Variants in PELI3 observed in about 807,000 individuals in gnomAD.
PELI3 encodes pellino E3 ubiquitin protein ligase family member 3.
PELI3 carries 19 observed loss-of-function variants against 35.5 expected under a neutral mutation model. The ratio of observed to expected loss-of-function variants is 0.54; its 90% CI spans 0.37 to 0.79. The LOEUF is 0.79. Ranked by LOEUF, PELI3 falls within the 30% of genes least tolerant of loss-of-function variation. The pLI is 0.00. For missense variants in PELI3, 490 were observed against 661.2 expected (o/e 0.74, Z 2.84); for synonymous variants, 262 against 279.2 (o/e 0.94, Z 0.62).
chr11:66,475,741 G>A lies in PELI3; in HGVS notation c.984G>A (p.Ala328=), dbSNP rs141532058. 4.0e-5 allele frequency: 65 copies of A among 1,611,310 alleles called. No individual in the cohort carries two copies. The highest frequency in any genetic ancestry group is 2.7e-4 in the African/African-American group (20 of 74,928). The change falls in exon 8 of 8, where the codon GCG becomes GCA. Residue 328 remains alanine (A), a synonymous_variant. Coordinates refer to ENST00000320740, the MANE Select transcript of PELI3 (RefSeq NM_145065.3). ...LEAQRQEANA[A]RPQCPVGLST... The stretch of plus-strand genomic sequence containing the variant: ...CCCAGCGGCAGGAGGCAAATGCAGC[G>A]CGGCCCCAGTGCCCCGTGGGCCTCA...
intron 7 of PELI3, chr11:66,474,326 C>T: frequency 1.8e-6 from 1 of 553,408 alleles, no homozygotes; most frequent in Non-Finnish European, 3.2e-6. Flanking sequence ...CTATCACGTT[C>T]AGACAGGTTT....
chr11:66,473,795 G>A lies in PELI3; in HGVS notation c.710G>A (p.Gly237Glu). 6.2e-7 allele frequency: 1 copy of A among 1,613,962 alleles called. No individual in the cohort carries two copies. Among genetic ancestry groups the A allele is most frequent in the Non-Finnish European group, 8.5e-7 (1 of 1,179,996 alleles). The change falls in exon 7 of 8, where the codon GGA becomes GAA. Residue 237 changes from glycine (G) to glutamate (E), a missense_variant. This residue lies in a region of PELI3 where 349 missense variants were observed against 484.8 expected (regional missense o/e 0.72). Coordinates refer to ENST00000320740, the MANE Select transcript of PELI3 (RefSeq NM_145065.3). This position sits in a 1 kb window ranked among gnomAD's most constrained non-coding sequence, Gnocchi z 5.8. ...CTGATGGATGGACTGACCACCAATG[G>A]AGTCCTGGTGATGCACCCGGCAGGC... ...DGLMDGLTTN[G>E]VLVMHPAGGF...
rs970805116 is a variant in PELI3 at position 66,470,092 on chromosome 11, G to A, written c.225-1150G>A. On this transcript the variant is annotated intron_variant, in intron 3 of 7. Coordinates refer to ENST00000320740, the MANE Select transcript of PELI3 (RefSeq NM_145065.3). ...TGGGATTACAGGTGTGAGCCACTGCGCCCGGCCTCATCTGGATTTTAACAA... is the reference window on the plus strand; with the variant it reads ...TGGGATTACAGGTGTGAGCCACTGCACCCGGCCTCATCTGGATTTTAACAA... Among the ~76,000 whole-genome samples the A allele has an allele frequency of 1.1e-4, 17 of 152,044 alleles. 1 individual carries two copies. The highest frequency in any genetic ancestry group is 8.5e-4 in the Admixed American group (13 of 15,272).
At position 66,475,698 on chromosome 11, in the gene PELI3, C is replaced by T; in HGVS notation, c.941C>T (p.Thr314Ile). The T allele has an allele frequency of 6.2e-7, 1 of 1,612,464 alleles. No homozygotes were observed. The highest frequency in any genetic ancestry group is 8.5e-7 in the Non-Finnish European group (1 of 1,179,814). ...CCGGCGGGGCTGCTGCGGGCTCCCACACTGAAGCAACTGGAGGCCCAGCGG... is the reference window on the plus strand; with the variant it reads ...CCGGCGGGGCTGCTGCGGGCTCCCATACTGAAGCAACTGGAGGCCCAGCGG... ...RTPAGLLRAPTLKQLEAQRQE... is the reference protein window; with the variant it reads ...RTPAGLLRAPILKQLEAQRQE... Residue 314 changes from threonine to isoleucine, a missense_variant, in exon 8 of 8, where the codon ACA (threonine) becomes ATA (isoleucine). By Grantham distance (89) the Thr-to-Ile change is moderately conservative. Coordinates refer to ENST00000320740, the MANE Select transcript of PELI3 (RefSeq NM_145065.3).
Position 66,476,008 on chromosome 11 carries a change from T to C in PELI3, c.1251T>C (p.Pro417=), listed in dbSNP as rs1184864573. 6.2e-7 allele frequency: 1 copy of C among 1,612,284 alleles called. No homozygotes were observed. The highest frequency in any genetic ancestry group is 1.1e-5 in the South Asian group (1 of 91,064). The change falls in exon 8 of 8, where the codon CCT becomes CCC. Residue 417 remains proline (P), a synonymous_variant. Transcript: ENST00000320740. ...GGCCGCCTAGCCATGCCTTTGCACC[T>C]TGCGGCCACGTCTGCTCTGAGAAGA... ...DPGPPSHAFA[P]CGHVCSEKTA...
upstream of PELI3, chr11:66,466,761 GC>G (rs1854538951): frequency 6.6e-6 from 1 of 151,774 alleles, no homozygotes; most frequent in African/African-American, 2.4e-5. Context: ...GCGGAGCTCC[GC>G]CTACGAAGGC....
In PELI3 at chr11:66,472,545, G is replaced by A. The variant is rs1253583422; in HGVS notation, c.456+75G>A. ...CTGCAAGCATTTCAGGTGAGGCTAC[G>A]GGTTGGGAGGCCATGGGAAAGCTGC... On this transcript the variant is annotated intron_variant, in intron 5 of 7. Transcript: ENST00000320740. The A allele has an allele frequency of 4.0e-5, 51 of 1,278,800 alleles. 1 individual carries two copies. In the South Asian group the frequency reaches 4.4e-4, roughly 11 times the overall value. 79.2% of individuals were successfully genotyped at this position (1,278,800 alleles called of 1,614,324 possible).
At position 66,476,300 on chromosome 11, in the gene PELI3, G is replaced by C; in HGVS notation, c.*133G>C. On this transcript the variant is annotated 3_prime_UTR_variant, in exon 8 of 8. Coordinates refer to ENST00000320740, the MANE Select transcript of PELI3 (RefSeq NM_145065.3). ...ACCAGATGGACATGTTGGATGGGCT[G>C]TGCCCTTCCCCCCAACTGTGGCCCC... The C allele has an allele frequency of 2.9e-6, 3 of 1,030,904 alleles. No homozygotes were observed. The highest frequency in any genetic ancestry group is 4.1e-6 in the Non-Finnish European group (3 of 729,126). The allele number at this position is 1,030,904 out of a possible 1,614,324, so 63.9% of individuals were successfully genotyped here. A position where few individuals can be genotyped will look rare whatever the true frequency, so the allele number is the denominator to read the frequency against.
chr11:66,471,164 A>G, intron 3 of PELI3, 78 bp from the exon 4 acceptor site: 2 of 1,494,706 alleles, frequency 1.3e-6, no homozygotes, highest in Non-Finnish European at 1.8e-6. Flanking sequence ...GTTTCCTCCA[A>G]GTCTCATCAG....
Position 66,473,440 on chromosome 11 carries a change from G to T in PELI3, c.651+5G>T. ...TCTAGCAACATCTTCCTTGGAGTGA[G>T]TGAGCCCCAGGAAGGGACCAACTCT... On this transcript the variant is annotated splice_donor_5th_base_variant and intron_variant, in intron 6 of 7. Transcript: ENST00000320740. This position sits in a 1 kb window ranked among gnomAD's most constrained non-coding sequence, Gnocchi z 5.8. 1 of 1,605,368 alleles carries T rather than the reference G, an allele frequency of 6.2e-7. No individual in the cohort carries two copies. Among genetic ancestry groups the T allele is most frequent in the Non-Finnish European group, 8.5e-7 (1 of 1,174,324 alleles).
intron 4 of PELI3, among the ~76,000 whole-genome samples, chr11:66,471,676 C>T (rs7123875): frequency 0.37 from 55,956 of 151,674 alleles, 10,994 homozygotes; most frequent in African/African-American, 0.49. Context: ...ATGAGCTGCA[C>T]CATTTTAGAG....
chr11:66,466,814 C>G (rs917943072), upstream of PELI3: 1 of 151,008 alleles, frequency 6.6e-6, no homozygotes, highest in Admixed American at 6.6e-5. Context: ...CGAGGCGGAG[C>G]TCTCCTAGGG....
At chr11:66,472,705 G>C (rs1854766473) in intron 5 of PELI3, among the ~76,000 whole-genome samples, 1 of 152,204 alleles carries the variant, frequency 6.6e-6, no homozygotes, top group Non-Finnish European at 1.5e-5. Flanking sequence ...CAGGAGTTCA[G>C]GTGTGAGAGG....
chr11:66,472,364 A>C lies in PELI3; in HGVS notation c.355-5A>C. 6.2e-7 allele frequency: 1 copy of C among 1,612,144 alleles called. No individual in the cohort carries two copies. On this transcript the variant is annotated splice_polypyrimidine_tract_variant and splice_region_variant and intron_variant, in intron 4 of 7. Transcript: ENST00000320740. ...CCTGGCAAGTGACTTTTTTCTCCCC[A>C]CCAGGCACTGAGTAACCGTGGTCAG...
At position 66,475,603 on chromosome 11, in the gene PELI3, A is replaced by C; in HGVS notation, c.846A>C (p.Glu282Asp). Residue 282 changes from glutamate to aspartate, a missense_variant, in exon 8 of 8, where the codon GAA (glutamate) becomes GAC (aspartate). This residue lies in a region of PELI3 where 349 missense variants were observed against 484.8 expected (regional missense o/e 0.72). Coordinates refer to ENST00000320740, the MANE Select transcript of PELI3 (RefSeq NM_145065.3). ...CCTTCTACTGCCTCTGGCAGGTGGAAAACGAGTCCAACGTGCTGCAGGACG... is the reference window on the plus strand; with the variant it reads ...CCTTCTACTGCCTCTGGCAGGTGGACAACGAGTCCAACGTGCTGCAGGACG... ...RSAQQRGKLV[E>D]NESNVLQDGS... 1 of 1,612,052 alleles carries C rather than the reference A, an allele frequency of 6.2e-7. No homozygotes were observed. Among genetic ancestry groups the C allele is most frequent in the Middle Eastern group, 1.7e-4 (1 of 6,056 alleles).
In PELI3 at chr11:66,475,958, G is replaced by A; in HGVS notation, c.1201G>A (p.Glu401Lys). The change falls in exon 8 of 8, where the codon GAG (glutamate) becomes AAG (lysine). Residue 401 changes from glutamate (E) to lysine (K), a missense_variant. Physicochemically the swap from Glu to Lys is moderately conservative, Grantham distance 56 (BLOSUM62 1). This residue lies in a region of PELI3 where 349 missense variants were observed against 484.8 expected (regional missense o/e 0.72). Coordinates refer to ENST00000320740, the MANE Select transcript of PELI3 (RefSeq NM_145065.3). Reference protein sequence around the residue: ...GPYVPLWLGQEAGLCLDPGPP... With the variant: ...GPYVPLWLGQKAGLCLDPGPP... ...TTATGTGCCTCTATGGCTTGGCCAG[G>A]AGGCCGGCCTCTGCCTGGACCCTGG... is the stretch of plus-strand genomic sequence containing the variant. 2 of 1,611,722 alleles carry A rather than the reference G, an allele frequency of 1.2e-6. No homozygotes were observed. Among genetic ancestry groups the A allele is most frequent in the Non-Finnish European group, 8.5e-7 (1 of 1,179,624 alleles).
At position 66,473,431 on chromosome 11, in the gene PELI3, T is replaced by G. The variant is rs1319866998; in HGVS notation, c.647T>G (p.Leu216Arg). 4 of 1,608,788 alleles carry G rather than the reference T, an allele frequency of 2.5e-6. No homozygotes were observed. The highest frequency in any genetic ancestry group is 1.7e-6 in the Non-Finnish European group (2 of 1,176,612). ...AGFDASSNIF[L>R]GERAAKWRTP... ...TTCGATGCCTCTAGCAACATCTTCCTTGGAGTGAGTGAGCCCCAGGAAGGG... is the reference window on the plus strand; with the variant it reads ...TTCGATGCCTCTAGCAACATCTTCCGTGGAGTGAGTGAGCCCCAGGAAGGG... Residue 216 changes from leucine to arginine, a missense_variant, in exon 6 of 8, where the codon CTT becomes CGT. Transcript: ENST00000320740. This position sits in a 1 kb window ranked among gnomAD's most constrained non-coding sequence, Gnocchi z 5.8.
At chr11:66,475,192 G>T in intron 7 of PELI3, 2 of 218,144 alleles carry the variant, frequency 9.2e-6, no homozygotes, top group African/African-American at 2.3e-5. Context: ...CCTAGCTCCT[G>T]AGTTTTTGCT....
chr11:66,469,305 G>A (rs1854637680), intron 3 of PELI3, among the ~76,000 whole-genome samples: 1 of 149,436 alleles, frequency 6.7e-6, no homozygotes, highest in South Asian at 2.1e-4. Flanking sequence ...CTATAAATAT[G>A]CCAAACTCTG....
Sources: gnomAD v4.1 joint callset for allele counts (sites outside exome capture counted in the v4.1 genomes callset) on GRCh38, gnomAD v4.1.1 for gene constraint, gnomAD v4.1.1 regional missense constraint, Gnocchi (gnomAD v3.1) non-coding constraint, MANE v1.5 for transcripts, NCBI Gene and HGNC (gene_info 2026-07-23, HGNC 2026-07-21) for gene names.